ZNF875: variants seen among roughly 807,000 people sequenced by gnomAD.
The protein encoded by ZNF875 is HKR1, GLI-Kruppel zinc finger family member.
A neutral mutation model predicts 11.2 loss-of-function variants in ZNF875; 14 were observed. The observed-to-expected ratio is 1.26, with a 90% CI of 0.83 to 1.96. The LOEUF (loss-of-function observed/expected upper bound fraction) is 1.96. ZNF875 is among the 30% of genes most tolerant of loss of function. The pLI, the probability that ZNF875 is intolerant of heterozygous loss-of-function variation, is 0.00. For missense variants in ZNF875, 752 were observed against 760.4 expected, an observed-to-expected ratio of 0.99 and a Z score of 0.13; for synonymous variants, 301 against 281.1, an observed-to-expected ratio of 1.07 and a Z score of -0.71.
chr19:37,361,071 C>G (rs138477520), intron 4 of ZNF875, among the ~76,000 whole-genome samples: 35 of 149,370 alleles, frequency 2.3e-4, no homozygotes, highest in African/African-American at 4.4e-4. Flanking sequence ...AGTTAAGATG[C>G]CTTTCATTTA....
chr19:37,337,128 GAAC>G (rs1242642531), intron 2 of ZNF875: 1 of 151,298 alleles, frequency 6.6e-6, no homozygotes, highest in Non-Finnish European at 1.5e-5. Context: ...AATTTGAGCT[GAAC>G]AACGTCTTTA....
intron 3 of ZNF875, 129 bp downstream of exon 3, chr19:37,347,445 T>A: frequency 1.2e-6 from 1 of 823,856 alleles, no homozygotes; most frequent in Non-Finnish European, 1.9e-6. Flanking sequence ...TTTTTTCCTC[T>A]GGGTAAATCT....
upstream of ZNF875, among the ~76,000 whole-genome samples, chr19:37,331,393 T>C (rs1205790271): frequency 6.6e-6 from 1 of 151,794 alleles, no homozygotes. Flanking sequence ...CACGCCCATG[T>C]GGGGAAAAGC....
rs748188125 is a variant in ZNF875 at position 37,362,543 on chromosome 19, T to G, written c.691T>G (p.Phe231Val). 6 of 1,613,986 alleles carry G rather than the reference T, an allele frequency of 3.7e-6. No homozygotes were observed. Among genetic ancestry groups the G allele is most frequent in the Non-Finnish European group, 5.1e-6 (6 of 1,179,994 alleles). ...ATTTGGAGAAATCAAATATGAAGAGTTTGGGCCAGGCTTTATCAAGGAGTC... is the reference window on the plus strand; with the variant it reads ...ATTTGGAGAAATCAAATATGAAGAGGTTGGGCCAGGCTTTATCAAGGAGTC... ...SGFGEIKYEEFGPGFIKESNL... is the reference protein window; with the variant it reads ...SGFGEIKYEEVGPGFIKESNL... Residue 231 changes from phenylalanine (F) to valine (V), a missense_variant, in exon 5 of 5, where the codon TTT (phenylalanine) becomes GTT (valine). Physicochemically the swap from Phe to Val is conservative, Grantham distance 50. Transcript: ENST00000392153.
intron 4 of ZNF875, among the ~76,000 whole-genome samples, chr19:37,349,218 A>G (rs1457386704): frequency 6.6e-6 from 1 of 152,180 alleles, no homozygotes; most frequent in Non-Finnish European, 1.5e-5. Flanking sequence ...ACCTCATCTT[A>G]ACTAATTACA....
At chr19:37,331,478 G>C (rs2033384563), upstream of ZNF875, among the ~76,000 whole-genome samples, 3 of 151,154 alleles carry the variant, frequency 2.0e-5, no homozygotes, top group South Asian at 6.3e-4. Flanking sequence ...TATGTACTAA[G>C]AAAAATTCTT....
chr19:37,356,282 T>G (rs2038897386), intron 4 of ZNF875, among the ~76,000 whole-genome samples: 1 of 152,170 alleles, frequency 6.6e-6, no homozygotes, highest in Non-Finnish European at 1.5e-5. Flanking sequence ...ATTTTCCCAG[T>G]CTTGGGATTG....
chr19:37,317,396 G>C (rs1297167095), upstream of ZNF875, among the ~76,000 whole-genome samples: 2 of 151,830 alleles, frequency 1.3e-5, no homozygotes, highest in Admixed American at 1.3e-4. Context: ...CCGTGGTCTC[G>C]ATCTCCTGAC....
chr19:37,347,909 A>T lies in ZNF875; in HGVS notation c.256+37A>T, dbSNP rs748905319. On this transcript the variant is annotated intron_variant, in intron 4 of 4. Coordinates refer to ENST00000392153, the MANE Select transcript of ZNF875 (RefSeq NM_001353803.2). ...GTGTGGGGTAGACGGGATAATCCAC[A>T]GCTTGGCAGATAGGAAGGAGGAGGC... 3 of 1,214,678 alleles carry T rather than the reference A, an allele frequency of 2.5e-6. No individual in the cohort carries two copies. In the South Asian group the frequency reaches 3.6e-5, roughly 15 times the overall value. 75.2% of individuals were successfully genotyped at this position (1,214,678 alleles called of 1,614,324 possible).
intron 4 of ZNF875, among the ~76,000 whole-genome samples, chr19:37,355,412 A>T (rs1222221574): frequency 6.6e-6 from 1 of 152,106 alleles, no homozygotes; most frequent in Admixed American, 6.6e-5. Context: ...CTGGTCTTGA[A>T]CACCTGACCT....
rs752317648 is a variant in ZNF875 at position 37,363,357 on chromosome 19, G to A, written c.1505G>A (p.Gly502Glu). The change falls in exon 5 of 5, where the codon GGG (glycine) becomes GAG (glutamate). Residue 502 changes from glycine to glutamate, a missense_variant. By Grantham distance (98) the Gly-to-Glu change is moderately conservative (BLOSUM62 -2). Coordinates refer to ENST00000392153, the MANE Select transcript of ZNF875 (RefSeq NM_001353803.2). ...AGCACGCACCAGAGGACACACTCAG[G>A]GGAGAAGCCATTTGTATGTGCTGAG... is the stretch of plus-strand genomic sequence containing the variant. Reference protein sequence around the residue: ...TLSTHQRTHSGEKPFVCAECG... With the variant: ...TLSTHQRTHSEEKPFVCAECG... The A allele has an allele frequency of 6.2e-7, 1 of 1,612,866 alleles. No individual in the cohort carries two copies. The highest frequency in any genetic ancestry group is 2.2e-5 in the East Asian group (1 of 44,810).
chr19:37,336,792 C>T (rs2034534169), intron 2 of ZNF875, among the ~76,000 whole-genome samples: 1 of 151,780 alleles, frequency 6.6e-6, no homozygotes, highest in African/African-American at 2.4e-5. Context: ...CCTGTAGTCC[C>T]AGCTACTCGG....
chr19:37,335,438 C>G (rs1420275366), intron 2 of ZNF875, among the ~76,000 whole-genome samples, 181 bp downstream of exon 2: 1 of 152,134 alleles, frequency 6.6e-6, no homozygotes, highest in Non-Finnish European at 1.5e-5. Context: ...TGTCGCTGTT[C>G]AGGGCGCCAC....
chr19:37,356,044 T>G (rs1010479985), intron 4 of ZNF875, among the ~76,000 whole-genome samples: 2 of 152,238 alleles, frequency 1.3e-5, no homozygotes, highest in African/African-American at 4.8e-5. Context: ...ATTTTCTGTT[T>G]CTGCATTGAT....
intron 2 of ZNF875, among the ~76,000 whole-genome samples, chr19:37,339,291 A>G (rs1263845651): frequency 6.6e-6 from 1 of 152,064 alleles, no homozygotes; most frequent in East Asian, 1.9e-4. Context: ...AAGGTGTAGA[A>G]ACAGCCAACA....
chr19:37,331,510 C>G (rs986677847), upstream of ZNF875, among the ~76,000 whole-genome samples: 1 of 150,658 alleles, frequency 6.6e-6, no homozygotes, highest in Non-Finnish European at 1.5e-5. Flanking sequence ...TTCTGTTAAT[C>G]TATAACCTTA....
In ZNF875 at chr19:37,362,723, T is replaced by G. The variant is rs1489259745; in HGVS notation, c.871T>G (p.Phe291Val). Residue 291 changes from phenylalanine to valine, a missense_variant, in exon 5 of 5, where the codon TTT becomes GTT. Physicochemically the swap from Phe to Val is conservative, Grantham distance 50. Coordinates refer to ENST00000392153, the MANE Select transcript of ZNF875 (RefSeq NM_001353803.2). ...TGTGTGCAGGGAATGTGGGCGAGGC[T>G]TTACGTGGAAGTCAAACCTGATCAC... ...PYVCRECGRG[F>V]TWKSNLITHQ... The G allele has an allele frequency of 6.2e-7, 1 of 1,613,562 alleles. No homozygotes were observed. Among genetic ancestry groups the G allele is most frequent in the South Asian group, 1.1e-5 (1 of 91,000 alleles).
intron 4 of ZNF875, among the ~76,000 whole-genome samples, chr19:37,361,440 T>G (rs934404856): frequency 1.3e-5 from 2 of 152,102 alleles, no homozygotes; most frequent in Non-Finnish European, 2.9e-5. Flanking sequence ...TCTTTCTTCT[T>G]CTCCTTTTCC....
At chr19:37,354,283 C>T (rs2038512298) in intron 4 of ZNF875, among the ~76,000 whole-genome samples, 1 of 124,472 alleles carries the variant, frequency 8.0e-6, no homozygotes, top group Admixed American at 8.7e-5. Flanking sequence ...CCCCTCCCCT[C>T]CTCTTGTTTC....
Sources: allele counts gnomAD v4.1 joint callset (sites outside exome capture counted in the v4.1 genomes callset), GRCh38; gene constraint gnomAD v4.1.1; transcripts MANE v1.5; gene names NCBI Gene and HGNC (gene_info 2026-07-23, HGNC 2026-07-21).